Variants in MEF2C observed in about 807,000 individuals in gnomAD.
MEF2C encodes myocyte enhancer factor 2C, also known as myocyte-specific enhancer factor 2C.
MEF2C carries 6 observed loss-of-function variants against 50.5 expected under a neutral mutation model. The ratio of observed to expected loss-of-function variants is 0.12; its 90% CI spans 0.07 to 0.23. MEF2C has a LOEUF of 0.23. Among genes scored for constraint, MEF2C ranks in the 10% least tolerant of loss-of-function variants. The pLI is 1.00. For synonymous variants in MEF2C, 183 were observed against 228.0 expected (o/e 0.80, Z 1.78); for missense variants, 276 against 605.0 (o/e 0.46, Z 5.70).
At chr5:88,882,368 C>A (rs1170511686) in intron 1 of MEF2C, among the ~76,000 whole-genome samples, 1 of 152,122 alleles carries the variant, frequency 6.6e-6, no homozygotes, top group East Asian at 1.9e-4. Context: ...AGGGATATTA[C>A]TTTTTGTCCA....
At chr5:88,748,821 G>C in intron 6 of MEF2C, 1 of 985,408 alleles carries the variant, frequency 1.0e-6, no homozygotes, top group Non-Finnish European at 1.2e-6. Flanking sequence ...GATTGGATCA[G>C]AGCCCTTAAT....
intron 3 of MEF2C, among the ~76,000 whole-genome samples, chr5:88,781,366 G>A (rs189116331): frequency 2.6e-5 from 4 of 152,156 alleles, no homozygotes; most frequent in Non-Finnish European, 5.9e-5. Context: ...TGTGCTAATG[G>A]CTATATATGT....
intron 1 of MEF2C, among the ~76,000 whole-genome samples, chr5:88,859,253 G>T (rs952142731): frequency 6.6e-6 from 1 of 152,156 alleles, no homozygotes; most frequent in African/African-American, 2.4e-5. Context: ...ATTTTGGGAT[G>T]CAAATTATTC....
chr5:88,848,231 T>C (rs1411333847), intron 1 of MEF2C, among the ~76,000 whole-genome samples: 1 of 152,212 alleles, frequency 6.6e-6, no homozygotes, highest in Non-Finnish European at 1.5e-5. Flanking sequence ...ATCTGCTGGA[T>C]TTAAAAACTT....
At chr5:88,855,704 C>T (rs1387355979) in intron 1 of MEF2C, among the ~76,000 whole-genome samples, 2 of 152,228 alleles carry the variant, frequency 1.3e-5, no homozygotes, top group African/African-American at 2.4e-5. Context: ...TCCCCATTCA[C>T]TTGGCACTCA....
intron 1 of MEF2C, among the ~76,000 whole-genome samples, chr5:88,877,222 T>C (rs373924907): frequency 2.0e-5 from 3 of 152,168 alleles, no homozygotes; most frequent in East Asian, 3.9e-4. Context: ...TCAATTTCCT[T>C]TTCAATGCCC....
rs1342239547 is a variant in MEF2C at position 88,720,225 on chromosome 5, T to C, written c.*2379A>G. 1 of 152,260 alleles carries C rather than the reference T, an allele frequency of 6.6e-6. No homozygotes were observed. The highest frequency in any genetic ancestry group is 1.5e-5 in the Non-Finnish European group (1 of 68,032). The allele number at this position is 152,260 out of a possible 1,614,324, so 9.4% of individuals were successfully genotyped here. On this transcript the variant is annotated 3_prime_UTR_variant, in exon 11 of 11. Transcript: ENST00000504921. Reference sequence around the variant, plus strand: ...TTTTATTCCCCTGTGCGTGTGTGTGTATGAGTGTGTATATTTTCAGGGATG... The same window carrying C: ...TTTTATTCCCCTGTGCGTGTGTGTGCATGAGTGTGTATATTTTCAGGGATG...
At chr5:88,814,458 G>A (rs1407151947) in intron 2 of MEF2C, among the ~76,000 whole-genome samples, 1 of 152,002 alleles carries the variant, frequency 6.6e-6, no homozygotes, top group Non-Finnish European at 1.5e-5. Context: ...CATAACTTGC[G>A]AGGATGAGAC....
intron 1 of MEF2C, among the ~76,000 whole-genome samples, chr5:88,851,519 C>A (rs996210737): frequency 6.6e-6 from 1 of 152,110 alleles, no homozygotes; most frequent in Non-Finnish European, 1.5e-5. Flanking sequence ...ATTTTGATGT[C>A]AATCAACCTG....
At chr5:88,769,891 C>T in intron 3 of MEF2C, 1 of 879,948 alleles carries the variant, frequency 1.1e-6, no homozygotes, top group Non-Finnish European at 1.4e-6. Flanking sequence ...TGTAATCCAC[C>T]CACCTAAGCC....
chr5:88,842,541 GAA>G (rs368624008), intron 1 of MEF2C, among the ~76,000 whole-genome samples: 5 of 139,092 alleles, frequency 3.6e-5, no homozygotes, highest in Non-Finnish European at 6.3e-5. Context: ...CAACAATATG[GAA>G]AAAAAAAAAG....
At chr5:88,741,360 C>A in intron 6 of MEF2C, 1 of 985,246 alleles carries the variant, frequency 1.0e-6, no homozygotes, top group Non-Finnish European at 1.2e-6. Context: ...ATTTTTACAA[C>A]AATCCGGAAA....
chr5:88,903,952 C>T (rs1344478116), exon 1 of MEF2C: 1 of 152,008 alleles, frequency 6.6e-6, no homozygotes, highest in Admixed American at 6.6e-5. Flanking sequence ...TTGTACCCGT[C>T]AGCACCTGCT....
chr5:88,743,630 A>G, intron 6 of MEF2C: 1 of 984,602 alleles, frequency 1.0e-6, no homozygotes, highest in Non-Finnish European at 1.2e-6. Context: ...CTGAGTAAGT[A>G]CTAAGTTCAA....
At chr5:88,876,534 A>T (rs1831113701) in intron 1 of MEF2C, among the ~76,000 whole-genome samples, 1 of 152,024 alleles carries the variant, frequency 6.6e-6, no homozygotes. Flanking sequence ...CAAAAAGTAT[A>T]AATCGCGTGT....
intron 1 of MEF2C, among the ~76,000 whole-genome samples, chr5:88,857,256 C>T (rs1449224389): frequency 6.6e-6 from 1 of 152,174 alleles, no homozygotes; most frequent in Non-Finnish European, 1.5e-5. Context: ...CTAATTTCTC[C>T]CAGTTTGAAT....
At chr5:88,788,382 G>A (rs1190219933) in intron 3 of MEF2C, among the ~76,000 whole-genome samples, 1 of 140,512 alleles carries the variant, frequency 7.1e-6, no homozygotes, top group Admixed American at 7.1e-5. Context: ...TTTTTTTTTT[G>A]TATTTTTAGT....
chr5:88,785,159 C>T (rs768348), intron 3 of MEF2C, among the ~76,000 whole-genome samples: 3 of 152,048 alleles, frequency 2.0e-5, no homozygotes, highest in South Asian at 2.1e-4. Flanking sequence ...TGCTCAGACT[C>T]GTATAACCCT....
chr5:88,828,497 C>G (rs890254595), intron 1 of MEF2C, among the ~76,000 whole-genome samples: 2 of 151,894 alleles, frequency 1.3e-5, no homozygotes, highest in African/African-American at 2.4e-5. Flanking sequence ...AAACTCAAAG[C>G]TGAAAACTGA....
Sources: allele counts gnomAD v4.1 joint callset (sites outside exome capture counted in the v4.1 genomes callset), GRCh38; gene constraint gnomAD v4.1.1; transcripts MANE v1.5; gene names NCBI Gene and HGNC (gene_info 2026-07-23, HGNC 2026-07-21).